The following MYO5C variants were observed in gnomAD, a reference collection of about 807,000 sequenced individuals.
MYO5C encodes the protein myosin VC, also known as unconventional myosin-Vc.
A neutral mutation model predicts 235.7 loss-of-function variants in MYO5C; 194 were observed. The ratio of observed to expected loss-of-function variants is 0.82; its 90% CI spans 0.73 to 0.93. The LOEUF (loss-of-function observed/expected upper bound fraction) is 0.93. Ranked by LOEUF, MYO5C falls within the 40% of genes least tolerant of loss-of-function variation. MYO5C has a pLI of 0.00. For missense variants in MYO5C, 2,038 were observed against 2,127.2 expected (o/e 0.96, Z 0.82); for synonymous variants, 707 against 754.8 (o/e 0.94, Z 1.04).
intron 1 of MYO5C, among the ~76,000 whole-genome samples, chr15:52,294,881 G>T (rs1476701197): frequency 6.6e-6 from 1 of 152,202 alleles, no homozygotes. Context: ...TATGAAAGGC[G>T]CTTTAGAAAC....
chr15:52,285,854 C>G (rs1448218652), intron 1 of MYO5C, among the ~76,000 whole-genome samples: 1 of 152,230 alleles, frequency 6.6e-6, no homozygotes, highest in Non-Finnish European at 1.5e-5. Context: ...CTTGGCCTCC[C>G]AAAGTGCCGA....
intron 28 of MYO5C, 65 bp from the exon 29 acceptor site, chr15:52,223,789 G>A: frequency 2.1e-6 from 3 of 1,458,826 alleles, no homozygotes; most frequent in Non-Finnish European, 2.8e-6. Flanking sequence ...ACTGCTGGGA[G>A]GCAGTTATGA....
In MYO5C at chr15:52,279,542, A is replaced by C; in HGVS notation, c.271T>G (p.Phe91Val). 6.2e-7 allele frequency: 1 copy of C among 1,613,894 alleles called. No homozygotes were observed. Among genetic ancestry groups the C allele is most frequent in the Non-Finnish European group, 8.5e-7 (1 of 1,179,794 alleles). The change falls in exon 3 of 41, where the codon TTT becomes GTT. Residue 91 changes from phenylalanine (F) to valine (V), a missense_variant. By Grantham distance (50) the Phe-to-Val change is conservative. Transcript: ENST00000261839. ...PAVLHNLRIR[F>V]AESKLIYTYS... is the part of the protein sequence containing the mutation. Reference sequence around the variant, plus strand: ...GTGTAAATGAGTTTGGATTCTGCAAAGCGGATTCTGAGGTTGTGGAGCACC... The same window carrying C: ...GTGTAAATGAGTTTGGATTCTGCAACGCGGATTCTGAGGTTGTGGAGCACC...
In MYO5C at chr15:52,245,341, T is replaced by G. The variant is rs1283599861; in HGVS notation, c.2178+13A>C. 1 of 1,555,982 alleles carries G rather than the reference T, an allele frequency of 6.4e-7. No homozygotes were observed. The highest frequency in any genetic ancestry group is 8.9e-7 in the Non-Finnish European group (1 of 1,127,320). ...GGAAGGAGACCATGATCCCAGGAGG[T>G]GGGGAAACTGACCTGGATGAGTCTG... On this transcript the variant is annotated intron_variant, in intron 18 of 40. Transcript: ENST00000261839.
intron 8 of MYO5C, 135 bp from the exon 9 acceptor site, chr15:52,264,431 G>A (rs1382264836): frequency 4.6e-6 from 3 of 658,490 alleles, no homozygotes; most frequent in Non-Finnish European, 7.9e-6. Context: ...GTGGACCCCA[G>A]GGGCATCTGG....
At chr15:52,203,342 AT>A (rs778511091) in intron 38 of MYO5C, among the ~76,000 whole-genome samples, 18 of 151,996 alleles carry the variant, frequency 1.2e-4, no homozygotes, top group Non-Finnish European at 2.2e-4. Context: ...AAGTTATTTT[AT>A]CTTTTTTATT....
intron 32 of MYO5C, 101 bp from the exon 33 acceptor site, chr15:52,214,791 T>C: frequency 1.5e-6 from 1 of 648,922 alleles, no homozygotes; most frequent in Non-Finnish European, 2.5e-6. Flanking sequence ...TTGCATACCG[T>C]ACAACTCACC....
rs1222112586 is a variant in MYO5C, at chr15:52,279,572, G to T, written c.241C>A (p.Pro81Thr). 1 of 1,614,112 alleles carries T rather than the reference G, an allele frequency of 6.2e-7. No individual in the cohort carries two copies. The highest frequency in any genetic ancestry group is 2.2e-5 in the East Asian group (1 of 44,884). The change falls in exon 3 of 41, where the codon CCC becomes ACC. Residue 81 changes from proline to threonine, a missense_variant. Transcript: ENST00000261839. The stretch of plus-strand genomic sequence containing the variant: ...ATTCTGAGGTTGTGGAGCACCGCGG[G>T]CTCGTGAAGATAGCTGAGAGCCGTG... ...DLTALSYLHEPAVLHNLRIRF... is the reference protein window; with the variant it reads ...DLTALSYLHETAVLHNLRIRF...
intron 28 of MYO5C, among the ~76,000 whole-genome samples, 190 bp from the exon 29 acceptor site, chr15:52,223,914 A>G (rs1377311702): frequency 2.0e-5 from 3 of 152,208 alleles, no homozygotes; most frequent in Non-Finnish European, 2.9e-5. Context: ...GTTAGGAAGC[A>G]TTATGTGGGG....
At chr15:52,255,651 G>C (rs1463200242) in intron 11 of MYO5C, among the ~76,000 whole-genome samples, 1 of 152,066 alleles carries the variant, frequency 6.6e-6, no homozygotes, top group East Asian at 1.9e-4. Context: ...AGTACTGTTG[G>C]GAATTCAAAA....
chr15:52,194,138 G>A (rs59434591), intron 40 of MYO5C, 84 bp from the exon 41 acceptor site: 791,636 of 1,337,780 alleles, frequency 0.59, 248,524 homozygotes, highest in Non-Finnish European at 0.66. Flanking sequence ...GCAAAACACA[G>A]CTATCTCTAG....
At chr15:52,246,132 C>T in intron 16 of MYO5C, 90 bp from the exon 17 acceptor site, 1 of 988,412 alleles carries the variant, frequency 1.0e-6, no homozygotes, top group Non-Finnish European at 1.6e-6. Context: ...TAGACTGTGA[C>T]CCTATGCCAG....
At chr15:52,207,173 G>C (rs2035338902) in intron 36 of MYO5C, among the ~76,000 whole-genome samples, 1 of 151,866 alleles carries the variant, frequency 6.6e-6, no homozygotes. Context: ...AGGACATTGT[G>C]GTAAGAGACA....
At chr15:52,270,556 C>T (rs753587637) in intron 7 of MYO5C, among the ~76,000 whole-genome samples, 4 of 150,722 alleles carry the variant, frequency 2.7e-5, no homozygotes, top group Non-Finnish European at 4.4e-5. Context: ...TAGCACAATC[C>T]GGATAATGAC....
chr15:52,264,331 C>T (rs1259234635), intron 8 of MYO5C, 35 bp from the exon 9 acceptor site: 2 of 1,496,544 alleles, frequency 1.3e-6, no homozygotes, highest in Non-Finnish European at 1.9e-6. Context: ...TAGAATACTG[C>T]ATCTCTTCTC....
chr15:52,258,283 T>C (rs1027494047), intron 10 of MYO5C, among the ~76,000 whole-genome samples: 2 of 152,152 alleles, frequency 1.3e-5, no homozygotes, highest in Non-Finnish European at 2.9e-5. Context: ...ATTTCTTCCA[T>C]CATATGTTCA....
Position 52,245,479 on chromosome 15 carries a change from G to C in MYO5C, c.2067-14C>G. ...ATGTATGTCCACCTGGAAAATCAAAGGGGATCAAAGCCAGGAGTGTCAGAG... is the reference window on the plus strand; with the variant it reads ...ATGTATGTCCACCTGGAAAATCAAACGGGATCAAAGCCAGGAGTGTCAGAG... On this transcript the variant is annotated splice_polypyrimidine_tract_variant and intron_variant, in intron 17 of 40. Coordinates refer to ENST00000261839, the MANE Select transcript of MYO5C (RefSeq NM_018728.4). 1 of 1,580,426 alleles carries C rather than the reference G, an allele frequency of 6.3e-7. No individual in the cohort carries two copies. The highest frequency in any genetic ancestry group is 8.7e-7 in the Non-Finnish European group (1 of 1,149,432).
rs919363686 is a variant in MYO5C at position 52,193,736 on chromosome 15, G to C, written c.*166C>G. ...TGTGTGAATTCTTACAAAATTACAG[G>C]AGCAGCATTGTCACTGTGAGTGAGA... On this transcript the variant is annotated 3_prime_UTR_variant, in exon 41 of 41. Transcript: ENST00000261839. 1 of 678,964 alleles carries C rather than the reference G, an allele frequency of 1.5e-6. No homozygotes were observed. Among genetic ancestry groups the C allele is most frequent in the African/African-American group, 1.8e-5 (1 of 54,766 alleles). The allele number at this position is 678,964 out of a possible 1,614,324, so 42.1% of individuals were successfully genotyped here.
At chr15:52,237,922 C>CG (rs957718293) in intron 21 of MYO5C, among the ~76,000 whole-genome samples, 43 of 151,618 alleles carry the variant, frequency 2.8e-4, no homozygotes, top group Non-Finnish European at 4.3e-4. Context: ...GAACTGTGCC[C>CG]CCCGCCAAAA....
Sources: allele counts gnomAD v4.1 joint callset (sites outside exome capture counted in the v4.1 genomes callset), GRCh38; gene constraint gnomAD v4.1.1; transcripts MANE v1.5; gene names NCBI Gene and HGNC (gene_info 2026-07-23, HGNC 2026-07-21).